The following ATG7 variants were observed in gnomAD, a reference collection of about 807,000 sequenced individuals.
ATG7 encodes the protein ubiquitin-like modifier-activating enzyme ATG7.
Under a neutral mutation model 82.4 loss-of-function variants are expected in ATG7, and 70 were observed. That is an observed-to-expected ratio of 0.85 (90% CI 0.70 to 1.04). The LOEUF (loss-of-function observed/expected upper bound fraction) is 1.04, where lower values mean the gene tolerates loss of function less well. Ranked by LOEUF, ATG7 falls within the 50% of genes least tolerant of loss-of-function variation. The pLI is 0.00. For synonymous variants in ATG7, 287 were observed against 313.0 expected, an observed-to-expected ratio of 0.92 and a Z score of 0.88; for missense variants, 792 against 864.3, an observed-to-expected ratio of 0.92 and a Z score of 1.05.
chr3:11,564,384 C>T, the ATG7 span, among the ~76,000 whole-genome samples: 1 of 139,978 alleles, frequency 7.1e-6, no homozygotes, highest in East Asian at 2.2e-4. Flanking sequence ...TCCGCGTGAC[C>T]GTCTAAAGGA....
chr3:11,328,791 T>C (rs113279015), intron 9 of ATG7, among the ~76,000 whole-genome samples: 89 of 152,274 alleles, frequency 5.8e-4, no homozygotes, highest in African/African-American at 1.9e-3. Context: ...ATAAGAGATA[T>C]GAAACAATAT....
chr3:11,307,347 A>C (rs941088882), intron 6 of ATG7, among the ~76,000 whole-genome samples: 1 of 152,234 alleles, frequency 6.6e-6, no homozygotes, highest in Admixed American at 6.5e-5. Flanking sequence ...TCCAGCCAGC[A>C]TTTTGAAGCA....
rs529594526 is a variant in ATG7, at chr3:11,361,149, G to C, written c.1683+365G>C. On this transcript the variant is annotated intron_variant, in intron 16 of 20. Coordinates refer to ENST00000693202, the MANE Select transcript of ATG7 (RefSeq NM_001349232.2). ...CAGATTCCATCAATGGCTTGACACTGCCTCCCAGGTAGTTCTAAAAAGTCT... is the reference window on the plus strand; with the variant it reads ...CAGATTCCATCAATGGCTTGACACTCCCTCCCAGGTAGTTCTAAAAAGTCT... Among the ~76,000 whole-genome samples the C allele has an allele frequency of 2.0e-5, 3 of 152,276 alleles. No homozygotes were observed. In the South Asian group the frequency reaches 6.2e-4, roughly 32 times the overall value.
chr3:11,334,880 C>G (rs557392186), intron 11 of ATG7, among the ~76,000 whole-genome samples: 1 of 136,118 alleles, frequency 7.3e-6, no homozygotes, highest in African/African-American at 2.8e-5. Context: ...TCGCTTGAAC[C>G]TGGGAGGTGG....
chr3:11,404,582 T>G (rs1237772156), intron 19 of ATG7, among the ~76,000 whole-genome samples: 1 of 152,056 alleles, frequency 6.6e-6, no homozygotes, highest in East Asian at 1.9e-4. Flanking sequence ...TGTGTGGTTT[T>G]GGGCATGTAC....
chr3:11,436,175 T>C (rs1363498659), intron 20 of ATG7, among the ~76,000 whole-genome samples: 1 of 152,126 alleles, frequency 6.6e-6, no homozygotes, highest in Admixed American at 6.5e-5. Flanking sequence ...ACAACATTTC[T>C]CCAAAGAAGA....
chr3:11,465,021 TAG>T (rs1217158433), intron 20 of ATG7, among the ~76,000 whole-genome samples: 1 of 150,302 alleles, frequency 6.7e-6, no homozygotes, highest in African/African-American at 2.5e-5. Flanking sequence ...ATTAAAGATG[TAG>T]AGAGAAGTCA....
At chr3:11,417,874 C>T (rs951705588) in intron 19 of ATG7, among the ~76,000 whole-genome samples, 1 of 145,272 alleles carries the variant, frequency 6.9e-6, no homozygotes, top group Non-Finnish European at 1.5e-5. Context: ...TGCAGTGGTG[C>T]ATCTTGGCTC....
At chr3:11,369,749 C>T (rs1309258363) in intron 18 of ATG7, among the ~76,000 whole-genome samples, 1 of 151,156 alleles carries the variant, frequency 6.6e-6, no homozygotes, top group African/African-American at 2.4e-5. Flanking sequence ...CAGATTGCAT[C>T]TCTTGTCCCA....
rs547151270 is a variant in ATG7, at chr3:11,508,080, T to C, written c.2080-46731T>C. Among the ~76,000 whole-genome samples the C allele has an allele frequency of 2.0e-5, 3 of 152,302 alleles. No individual in the cohort carries two copies. In the South Asian group the frequency reaches 6.2e-4, roughly 32 times the overall value. ...CACAGCTTGGCTCATCTCTATGGAATTAAAACAAAAGTGTTTTTTCAAAAA... is the reference window on the plus strand; with the variant it reads ...CACAGCTTGGCTCATCTCTATGGAACTAAAACAAAAGTGTTTTTTCAAAAA... On this transcript the variant is annotated intron_variant, in intron 20 of 20. Coordinates refer to ENST00000693202, the MANE Select transcript of ATG7 (RefSeq NM_001349232.2).
intron 3 of ATG7, among the ~76,000 whole-genome samples, chr3:11,290,120 C>T (rs1944725338): frequency 6.6e-6 from 1 of 152,180 alleles, no homozygotes; most frequent in Admixed American, 6.5e-5. Context: ...TGTTCCAGCT[C>T]ACTTTTGCTA....
At chr3:11,304,996 T>C (rs561596724) in intron 5 of ATG7, among the ~76,000 whole-genome samples, 2 of 152,210 alleles carry the variant, frequency 1.3e-5, no homozygotes, top group South Asian at 2.1e-4. Flanking sequence ...TAGCAATTAC[T>C]CTCCATCCCC....
intron 20 of ATG7, among the ~76,000 whole-genome samples, chr3:11,483,338 T>TTAG (rs1489209842): frequency 6.6e-6 from 1 of 152,202 alleles, no homozygotes; most frequent in Admixed American, 6.5e-5. Context: ...CATATAGTCT[T>TTAG]TCTAAGAAGA....
downstream of ATG7, chr3:11,558,443 A>C: frequency 1.4e-5 from 19 of 1,396,258 alleles, no homozygotes; most frequent in Non-Finnish European, 1.1e-5. Flanking sequence ...CAAATAAACC[A>C]TCCCTTCCCT....
rs571146150 is a variant in ATG7, at chr3:11,416,952, A to C, written c.1957-9852A>C. Among the ~76,000 whole-genome samples, 15 of 151,812 alleles carry C rather than the reference A, an allele frequency of 9.9e-5. No homozygotes were observed. In the South Asian group the frequency reaches 3.1e-3, roughly 31 times the overall value. ...AAATTTATCTTGAGATTTTTTATTC[A>C]TGTGTTATTGTTCAACCTTACATAT... On this transcript the variant is annotated intron_variant, in intron 19 of 20. Coordinates refer to ENST00000693202, the MANE Select transcript of ATG7 (RefSeq NM_001349232.2).
chr3:11,404,446 T>A (rs921683617), intron 19 of ATG7, among the ~76,000 whole-genome samples: 48 of 151,884 alleles, frequency 3.2e-4, no homozygotes, highest in African/African-American at 1.1e-3. Context: ...CAGCTCAAAT[T>A]TTTTTAACCA....
At chr3:11,562,504 T>C (rs2073110982), downstream of ATG7, among the ~76,000 whole-genome samples, 1 of 152,128 alleles carries the variant, frequency 6.6e-6, no homozygotes, top group Non-Finnish European at 1.5e-5. Context: ...CCCACTGCCA[T>C]TTCCCTGGCT....
At chr3:11,565,118 C>G in the ATG7 span, 1 of 1,192,706 alleles carries the variant, frequency 8.4e-7, no homozygotes. This position sits in a 1 kb window ranked among gnomAD's most constrained non-coding sequence, Gnocchi z 4.1. Flanking sequence ...TAATTTTTTA[C>G]CCTGAAGCTC....
At chr3:11,296,943 C>A (rs766123997) in intron 3 of ATG7, among the ~76,000 whole-genome samples, 3 of 152,200 alleles carry the variant, frequency 2.0e-5, no homozygotes, top group Non-Finnish European at 4.4e-5. Flanking sequence ...TTCTATCAAT[C>A]CAAAGCTCCT....
Sources: gnomAD v4.1 joint callset for allele counts (sites outside exome capture counted in the v4.1 genomes callset) on GRCh38, gnomAD v4.1.1 for gene constraint, Gnocchi (gnomAD v3.1) non-coding constraint, MANE v1.5 for transcripts, NCBI Gene and HGNC (gene_info 2026-07-23, HGNC 2026-07-21) for gene names.